NLRP7: variants seen among roughly 807,000 people sequenced by gnomAD.
NLRP7 encodes the protein NACHT, LRR and PYD domains-containing protein 7.
A neutral mutation model predicts 85.5 loss-of-function variants in NLRP7; 72 were observed. The ratio of observed to expected loss-of-function variants is 0.84; its 90% CI spans 0.70 to 1.02. The LOEUF is 1.02. Among genes scored for constraint, NLRP7 ranks in the 50% least tolerant of loss-of-function variants. NLRP7 has a pLI of 0.00. For missense variants in NLRP7, 1,243 were observed against 1,219.5 expected, an observed-to-expected ratio of 1.02 and a Z score of -0.29; for synonymous variants, 550 against 505.2, an observed-to-expected ratio of 1.09 and a Z score of -1.19.
intron 1 of NLRP7, among the ~76,000 whole-genome samples, chr19:54,942,709 C>G (rs1429212272): frequency 6.6e-6 from 1 of 151,982 alleles, no homozygotes; most frequent in Non-Finnish European, 1.5e-5. Context: ...GAACAAGACT[C>G]TGTCTCAAAC....
chr19:54,934,702 G>T lies in NLRP7; in HGVS notation c.2301-43C>A. 1 of 1,514,028 alleles carries T rather than the reference G, an allele frequency of 6.6e-7. No homozygotes were observed. 93.8% of individuals were successfully genotyped at this position (1,514,028 alleles called of 1,614,324 possible). A position where few individuals can be genotyped will look rare whatever the true frequency, so the allele number is the denominator to read the frequency against. On this transcript the variant is annotated intron_variant, in intron 6 of 9. Transcript: ENST00000340844. The surrounding 1 kb of genome is among the most constrained non-coding windows in gnomAD (Gnocchi z 6.7). ...AAAGTCATTCTTCTGGGAGGACAGA[G>T]TATACCCTATCAGCTTTTTTTTTTT...
At chr19:54,938,134 A>G (rs1385435143) in exon 5 of NLRP7, 3 of 1,613,952 alleles carry the variant, frequency 1.9e-6, no homozygotes, top group Non-Finnish European at 2.5e-6. Flanking sequence ...TTTCACTTCC[A>G]GAAACTTGAG....
intron 1 of NLRP7, among the ~76,000 whole-genome samples, chr19:54,963,302 C>T (rs2070125144): frequency 6.6e-6 from 1 of 152,026 alleles, no homozygotes; most frequent in African/African-American, 2.4e-5. Context: ...ATGATTGTGC[C>T]ACTGCACACC....
chr19:54,938,426 AT>A (rs2069041064), intron 4 of NLRP7, among the ~76,000 whole-genome samples, 185 bp from the exon 5 acceptor site: 1 of 152,038 alleles, frequency 6.6e-6, no homozygotes, highest in African/African-American at 2.4e-5. Context: ...TACAAAAAAA[AT>A]AAAATAATAG....
intron 6 of NLRP7, among the ~76,000 whole-genome samples, chr19:54,935,826 T>C (rs2068896191): frequency 6.6e-6 from 1 of 151,932 alleles, no homozygotes; most frequent in Non-Finnish European, 1.5e-5. Context: ...GATCATGCAC[T>C]CCATAGGATC....
exon 4 of NLRP7, chr19:54,939,274 C>A: frequency 6.2e-7 from 1 of 1,614,138 alleles, no homozygotes; most frequent in Non-Finnish European, 8.5e-7. Flanking sequence ...CTACTTGAAT[C>A]AGGTCGGGGT....
exon 4 of NLRP7, chr19:54,939,999 C>G: frequency 6.2e-7 from 1 of 1,614,170 alleles, no homozygotes; most frequent in Non-Finnish European, 8.5e-7. Context: ...TTCTTCTTCT[C>G]CCAGTCCCCG....
chr19:54,942,085 T>A (rs1310034375), intron 1 of NLRP7, among the ~76,000 whole-genome samples: 1 of 151,456 alleles, frequency 6.6e-6, no homozygotes, highest in Non-Finnish European at 1.5e-5. Flanking sequence ...AACCCCTGCC[T>A]CTACTAAAAA....
At chr19:54,951,974 G>A (rs2069684093), upstream of NLRP7, among the ~76,000 whole-genome samples, 1 of 151,942 alleles carries the variant, frequency 6.6e-6, no homozygotes, top group Non-Finnish European at 1.5e-5. Context: ...GGATGGTCTC[G>A]ATCTCCTGAC....
exon 6 of NLRP7, chr19:54,936,347 C>T (rs2068924810): frequency 6.2e-7 from 1 of 1,613,916 alleles, no homozygotes; most frequent in Admixed American, 1.7e-5. Context: ...TGTGCCCTGC[C>T]AGGGTCAGGT....
chr19:54,951,879 T>G (rs1045458262), upstream of NLRP7, among the ~76,000 whole-genome samples: 1 of 151,962 alleles, frequency 6.6e-6, no homozygotes, highest in South Asian at 2.1e-4. Flanking sequence ...GCCTCCCGAA[T>G]AGCTGGGACT....
chr19:54,933,033 A>C (rs2068741969), intron 8 of NLRP7, among the ~76,000 whole-genome samples: 1 of 152,122 alleles, frequency 6.6e-6, no homozygotes. Flanking sequence ...AACACACACA[A>C]AGCATCAGAT....
chr19:54,947,486 T>G (rs1474634321), exon 1 of NLRP7: 1 of 1,289,784 alleles, frequency 7.8e-7, no homozygotes, highest in East Asian at 5.6e-5. Context: ...AGGTCAGGTC[T>G]TGCTTCCAGC....
Position 54,962,190 on chromosome 19 carries a change from AAG to A in NLRP7, c.-77+3848_-77+3849del, listed in dbSNP as rs958471300. On this transcript the variant is annotated intron_variant, in intron 1 of 2. Transcript: ENST00000587103. ...AAAAAAAAAAAAAGAAAAAATGAAA[AAG>A]AATTTATTGAAATGTGCAGTCTGAA... 2.0e-5 allele frequency among the ~76,000 whole-genome samples: 3 copies of A among 151,264 alleles called. No homozygotes were observed. The Admixed American group carries it at 2.0e-4, about 10-fold the overall frequency.
intron 4 of NLRP7, among the ~76,000 whole-genome samples, 176 bp from the exon 5 acceptor site, chr19:54,938,417 A>AC (rs1602163344): frequency 6.6e-6 from 1 of 151,194 alleles, no homozygotes; most frequent in African/African-American, 2.5e-5. Context: ...CTTAAGTTTT[A>AC]CAAAAAAAAT....
chr19:54,953,521 C>G (rs1347977322), intron 1 of NLRP7, among the ~76,000 whole-genome samples: 1 of 152,010 alleles, frequency 6.6e-6, no homozygotes, highest in Non-Finnish European at 1.5e-5. Context: ...GGGTGTGGCG[C>G]CGGGCTGTCT....
At chr19:54,947,802 T>C (rs551971121), upstream of NLRP7, 12 of 443,270 alleles carry the variant, frequency 2.7e-5, no homozygotes, top group East Asian at 8.1e-4. Context: ...GAACAGGAAA[T>C]ACACATTTTG....
In NLRP7 at chr19:54,931,276, G is replaced by A. The variant is rs540676105; in HGVS notation, c.2643-610C>T. Among the ~76,000 whole-genome samples, 12 of 151,472 alleles carry A rather than the reference G, an allele frequency of 7.9e-5. No homozygotes were observed. In the South Asian group the frequency reaches 1.9e-3, roughly 24 times the overall value. ...ATCTCTACTAAAAAATACAAAAATC[G>A]GGCCGGGCGCGGTGGCTCAAACCTG... On this transcript the variant is annotated intron_variant, in intron 8 of 9. Transcript: ENST00000340844.
At chr19:54,928,087 G>A (rs269936) in intron 9 of NLRP7, among the ~76,000 whole-genome samples, 18 of 151,844 alleles carry the variant, frequency 1.2e-4, no homozygotes, top group Middle Eastern at 3.4e-3. Context: ...ATGCATGGTG[G>A]TGTGTGCCTT....
Sources: allele counts gnomAD v4.1 joint callset (sites outside exome capture counted in the v4.1 genomes callset), GRCh38; gene constraint gnomAD v4.1.1; non-coding constraint Gnocchi (gnomAD v3.1); transcripts MANE v1.5; gene names NCBI Gene and HGNC (gene_info 2026-07-23, HGNC 2026-07-21).